The following SYNE1 variants were observed in gnomAD, a reference collection of about 807,000 sequenced individuals.
SYNE1 encodes nesprin-1.
In SYNE1, 616 loss-of-function variants were observed where a neutral mutation model predicts 1,111.0. The observed-to-expected ratio is 0.55, with a 90% CI of 0.52 to 0.59. The LOEUF (loss-of-function observed/expected upper bound fraction) is 0.59, where lower values mean the gene tolerates loss of function less well. SYNE1 is among the 20% of genes least tolerant of loss of function. SYNE1 has a pLI of 0.00. For missense variants in SYNE1, 10,006 were observed against 10,417.0 expected, an observed-to-expected ratio of 0.96 and a Z score of 1.72; for synonymous variants, 3,855 against 3,825.8, an observed-to-expected ratio of 1.01 and a Z score of -0.28.
intron 32 of SYNE1, among the ~76,000 whole-genome samples, chr6:152,436,662 C>T (rs891232600): frequency 1.3e-5 from 2 of 152,112 alleles, no homozygotes; most frequent in African/African-American, 2.4e-5. Flanking sequence ...ATAATACTCA[C>T]AAAAATTGTT....
At chr6:152,167,463 A>T (rs13193574) in intron 130 of SYNE1, among the ~76,000 whole-genome samples, 16,290 of 152,194 alleles carry the variant, frequency 0.11, 942 homozygotes, top group African/African-American at 0.16. Flanking sequence ...AAAACATATT[A>T]AAAAAATTCC....
chr6:152,381,429 G>T, intron 55 of SYNE1, 67 bp from the exon 56 acceptor site: 1 of 1,520,176 alleles, frequency 6.6e-7, no homozygotes, highest in Non-Finnish European at 9.1e-7. Flanking sequence ...GTTTTCAACT[G>T]TGTACACAGG....
rs1334831363 is a variant in SYNE1 at position 152,122,405 on chromosome 6, C to T, written c.*31G>A. Reference sequence around the variant, plus strand: ...TTATGACCCGATCCTCCTTATGCTACCAGCACTTCTGCAGATGGCATCTGC... The same window carrying T: ...TTATGACCCGATCCTCCTTATGCTATCAGCACTTCTGCAGATGGCATCTGC... On this transcript the variant is annotated 3_prime_UTR_variant, in exon 146 of 146. Transcript: ENST00000367255. 3.1e-6 allele frequency: 5 copies of T among 1,613,794 alleles called. No homozygotes were observed. The African/African-American group carries it at 6.7e-5, about 22-fold the overall frequency.
At chr6:152,587,219 A>G (rs1207595519) in intron 3 of SYNE1, among the ~76,000 whole-genome samples, 2 of 152,140 alleles carry the variant, frequency 1.3e-5, no homozygotes, top group Non-Finnish European at 2.9e-5. Context: ...CAAGTTTACC[A>G]ATGTTGAATT....
intron 3 of SYNE1, among the ~76,000 whole-genome samples, chr6:152,596,409 C>T (rs943135161): frequency 2.0e-5 from 3 of 151,784 alleles, no homozygotes; most frequent in African/African-American, 7.3e-5. Flanking sequence ...GGGTGTGCCA[C>T]CATGCCCAGC....
intron 3 of SYNE1, among the ~76,000 whole-genome samples, chr6:152,598,202 G>T (rs1055483013): frequency 2.0e-4 from 31 of 152,088 alleles, no homozygotes; most frequent in Non-Finnish European, 1.3e-4. Context: ...GAATCATGGG[G>T]TCGGGCCTTT....
intron 3 of SYNE1, among the ~76,000 whole-genome samples, chr6:152,567,843 T>C (rs889386261): frequency 1.3e-5 from 2 of 152,220 alleles, no homozygotes; most frequent in Non-Finnish European, 1.5e-5. Flanking sequence ...CTATCAAATA[T>C]TAAAAATAAA....
At chr6:152,454,038 T>C (rs2098674454) in intron 24 of SYNE1, among the ~76,000 whole-genome samples, 1 of 152,234 alleles carries the variant, frequency 6.6e-6, no homozygotes, top group Non-Finnish European at 1.5e-5. Context: ...TCTGTAGCGA[T>C]AGAGCTTCGG....
At chr6:152,273,983 A>T (rs1388028156) in intron 98 of SYNE1, among the ~76,000 whole-genome samples, 1 of 152,216 alleles carries the variant, frequency 6.6e-6, no homozygotes, top group Non-Finnish European at 1.5e-5. Flanking sequence ...AGCTTTATAA[A>T]TGATTGCTAT....
chr6:152,561,694 A>G (rs918274067), intron 3 of SYNE1, among the ~76,000 whole-genome samples: 5 of 152,300 alleles, frequency 3.3e-5, no homozygotes, highest in African/African-American at 1.2e-4. Flanking sequence ...TCAAAACTGC[A>G]TGGTACTGGC....
rs773739545 is a variant in SYNE1 at position 152,121,954 on chromosome 6, T to G, written c.*482A>C. ...ACAAGGTAAAAAGGAAGCTGCCATA[T>G]AAGCTCTTAAAAATTGTATGTTACA... is the stretch of plus-strand genomic sequence containing the variant. On this transcript the variant is annotated 3_prime_UTR_variant, in exon 146 of 146. Transcript: ENST00000367255. The G allele has an allele frequency of 6.1e-6, 1 of 164,970 alleles. No homozygotes were observed. The highest frequency in any genetic ancestry group is 1.3e-5 in the Non-Finnish European group (1 of 74,084). The allele number at this position is 164,970 out of a possible 1,614,324, so 10.2% of individuals were successfully genotyped here.
Position 152,233,891 on chromosome 6 carries a change from G to C in SYNE1, c.20602C>G (p.Arg6868Gly). Residue 6868 changes from arginine (R) to glycine (G), a missense_variant, in exon 112 of 146, where the codon CGA (arginine) becomes GGA (glycine). Physicochemically the swap from Arg to Gly is moderately radical, Grantham distance 125. This residue lies in a region of SYNE1 where 2,182 missense variants were observed against 2,287.8 expected (regional missense o/e 0.95). Transcript: ENST00000367255. Reference sequence around the variant, plus strand: ...GTGGCTGTGTCCACCTTTTTTAGTCGAAGGAGCTGATTTCCAGTACTCAGA... The same window carrying C: ...GTGGCTGTGTCCACCTTTTTTAGTCCAAGGAGCTGATTTCCAGTACTCAGA... ...SVLSTGNQLL[R>G]LKKVDTATLR... 7 of 1,614,130 alleles carry C rather than the reference G, an allele frequency of 4.3e-6. No individual in the cohort carries two copies. In the East Asian group the frequency reaches 1.6e-4, roughly 36 times the overall value.
Position 152,358,545 on chromosome 6 carries a change from T to C in SYNE1, c.10444-8A>G. On this transcript the variant is annotated splice_region_variant and splice_polypyrimidine_tract_variant and intron_variant, in intron 65 of 145. Transcript: ENST00000367255. ...AGACTTGGTTACGGCTTCCTATAAT[T>C]AGCATTTAAAATAATGAAGTTAGGA... 6.2e-7 allele frequency: 1 copy of C among 1,614,040 alleles called. No individual in the cohort carries two copies. Among genetic ancestry groups the C allele is most frequent in the Non-Finnish European group, 8.5e-7 (1 of 1,179,918 alleles).
chr6:152,437,521 C>T (rs1490879641), intron 32 of SYNE1, among the ~76,000 whole-genome samples: 15 of 151,858 alleles, frequency 9.9e-5, no homozygotes, highest in Admixed American at 9.2e-4. Context: ...TTTATTAAGC[C>T]AATATACTTA....
intron 3 of SYNE1, among the ~76,000 whole-genome samples, chr6:152,593,761 C>T (rs1281414987): frequency 1.3e-5 from 2 of 152,022 alleles, no homozygotes; most frequent in Non-Finnish European, 2.9e-5. Flanking sequence ...GACCAATTTA[C>T]TATATTTAGA....
At chr6:152,317,826 C>T (rs1037519430) in intron 86 of SYNE1, among the ~76,000 whole-genome samples, 4 of 152,134 alleles carry the variant, frequency 2.6e-5, no homozygotes, top group Admixed American at 2.6e-4. Context: ...CTCCATTTTA[C>T]AAAATATTCA....
chr6:152,505,735 A>G (rs2099054524), intron 8 of SYNE1, among the ~76,000 whole-genome samples: 2 of 152,220 alleles, frequency 1.3e-5, no homozygotes, highest in African/African-American at 4.8e-5. Context: ...TTTATTTTAT[A>G]AAGAAAAATC....
intron 68 of SYNE1, 71 bp from the exon 69 acceptor site, chr6:152,353,504 A>G: frequency 6.2e-7 from 1 of 1,613,076 alleles, no homozygotes; most frequent in Non-Finnish European, 8.5e-7. Flanking sequence ...ATGAATATGT[A>G]TCTTCACTGG....
At chr6:152,306,903 C>CAAAAAAAAAAAAAAAA (rs973985274) in intron 91 of SYNE1, among the ~76,000 whole-genome samples, 1 of 60,586 alleles carries the variant, frequency 1.7e-5, no homozygotes, top group Non-Finnish European at 3.4e-5. Context: ...GACTGTGTCT[C>CAAAAAAAAAAAAAAAA]AAAAAAAAAA....
Sources: gnomAD v4.1 joint callset for allele counts (sites outside exome capture counted in the v4.1 genomes callset) on GRCh38, gnomAD v4.1.1 for gene constraint, gnomAD v4.1.1 regional missense constraint, MANE v1.5 for transcripts, NCBI Gene and HGNC (gene_info 2026-07-23, HGNC 2026-07-21) for gene names.